ARHGEF4: variants seen among roughly 807,000 people sequenced by gnomAD.
ARHGEF4 encodes APC-stimulated guanine nucleotide exchange factor 1.
ARHGEF4 carries 119 observed loss-of-function variants against 162.0 expected under a neutral mutation model. That is an observed-to-expected ratio of 0.73 (90% CI 0.63 to 0.86). The LOEUF (loss-of-function observed/expected upper bound fraction) is 0.86. Among genes scored for constraint, ARHGEF4 ranks in the 40% least tolerant of loss-of-function variants. The pLI is 0.00. For synonymous variants in ARHGEF4, 1,014 were observed against 979.9 expected (o/e 1.03, Z -0.65); for missense variants, 2,488 against 2,456.0 (o/e 1.01, Z -0.28).
chr2:130,947,703 G>A (rs180732417), intron 4 of ARHGEF4, among the ~76,000 whole-genome samples: 272 of 152,302 alleles, frequency 1.8e-3, no homozygotes, highest in Non-Finnish European at 8.7e-4. Context: ...GAATTGGGCC[G>A]CAGGTGAGAG....
intron 3 of ARHGEF4, among the ~76,000 whole-genome samples, chr2:130,943,280 T>C (rs1199111257): frequency 6.6e-6 from 1 of 152,216 alleles, no homozygotes; most frequent in Non-Finnish European, 1.5e-5. Flanking sequence ...CATTTTCTTT[T>C]TGATTAGTAC....
intron 2 of ARHGEF4, among the ~76,000 whole-genome samples, chr2:130,919,983 C>G (rs1236989340): frequency 2.0e-5 from 3 of 152,210 alleles, no homozygotes; most frequent in Non-Finnish European, 4.4e-5. Flanking sequence ...GCAGATATTC[C>G]TGGAAGTGGT....
intron 3 of ARHGEF4, among the ~76,000 whole-genome samples, chr2:130,946,046 C>T (rs1231564000): frequency 6.6e-6 from 1 of 152,228 alleles, no homozygotes; most frequent in African/African-American, 2.4e-5. Flanking sequence ...TATCCCTGGT[C>T]ATCCCAAAGC....
chr2:130,916,664 G>A lies in ARHGEF4; in HGVS notation c.2718G>A (p.Arg906=). 8 of 1,550,568 alleles carry A rather than the reference G, an allele frequency of 5.2e-6. No individual in the cohort carries two copies. The highest frequency in any genetic ancestry group is 7.0e-6 in the Non-Finnish European group (8 of 1,146,984). Residue 906 remains arginine, a synonymous_variant, in exon 2 of 14, where the codon AGG becomes AGA. Transcript: ENST00000409359. The part of the protein sequence containing the change: ...KRLKTTEKKL[R]ARLALAHKTF... ...TCAAAACAACGGAGAAAAAACTCAG[G>A]GCAAGGTTGGCCTTGGCTCATAAGA...
At chr2:130,893,766 G>A (rs941931226) in intron 1 of ARHGEF4, among the ~76,000 whole-genome samples, 2 of 152,184 alleles carry the variant, frequency 1.3e-5, no homozygotes, top group Non-Finnish European at 2.9e-5. Flanking sequence ...CCTGCCCCTT[G>A]AATCAGCCCA....
At chr2:130,905,994 A>C (rs1680789599) in intron 1 of ARHGEF4, among the ~76,000 whole-genome samples, 1 of 152,194 alleles carries the variant, frequency 6.6e-6, no homozygotes, top group Non-Finnish European at 1.5e-5. Flanking sequence ...TCTTTGGATT[A>C]TAATCCAGTC....
chr2:130,881,590 C>G (rs902863455), intron 1 of ARHGEF4, among the ~76,000 whole-genome samples: 5 of 151,464 alleles, frequency 3.3e-5, no homozygotes, highest in Non-Finnish European at 7.3e-5. Context: ...GGGAGTTCAT[C>G]ACTAAGAGAC....
At chr2:131,039,618 C>T (rs1426479699) in intron 6 of ARHGEF4, 5 of 1,073,146 alleles carry the variant, frequency 4.7e-6, no homozygotes, top group Admixed American at 1.0e-4. Flanking sequence ...GGGAAACTGT[C>T]CACTCCGCAC....
rs924527228 is a variant in ARHGEF4, at chr2:131,041,982, T to G, written c.5025+38T>G. On this transcript the variant is annotated intron_variant, in intron 10 of 13. Transcript: ENST00000409359. ...GGGCACAGAAAATTCCAGGAGGTCT[T>G]GGCCCCTCGCTTTAAAATCATGCTT... 3 of 1,598,178 alleles carry G rather than the reference T, an allele frequency of 1.9e-6. No individual in the cohort carries two copies. In the African/African-American group the frequency reaches 4.0e-5, roughly 21 times the overall value.
chr2:130,951,754 T>C (rs1683973087), intron 4 of ARHGEF4, among the ~76,000 whole-genome samples: 1 of 152,204 alleles, frequency 6.6e-6, no homozygotes, highest in South Asian at 2.1e-4. Context: ...CTTACCAGCA[T>C]CAACTTCAGA....
intron 1 of ARHGEF4, among the ~76,000 whole-genome samples, chr2:130,900,716 T>C (rs1292155436): frequency 6.6e-6 from 1 of 152,190 alleles, no homozygotes; most frequent in Non-Finnish European, 1.5e-5. Flanking sequence ...CTCATTCAGG[T>C]TGTGATTTTG....
intron 13 of ARHGEF4, 26 bp from the exon 14 acceptor site, chr2:131,046,012 A>T: frequency 6.3e-7 from 1 of 1,597,034 alleles, no homozygotes; most frequent in Non-Finnish European, 8.6e-7. Flanking sequence ...GGCACCCATG[A>T]CCCTCTGCTG....
chr2:131,020,629 G>T (rs1291534625), intron 4 of ARHGEF4, among the ~76,000 whole-genome samples: 1 of 152,020 alleles, frequency 6.6e-6, no homozygotes, highest in African/African-American at 2.4e-5. Context: ...CTTTGCTATT[G>T]TGAATAGTGC....
At chr2:131,042,073 C>T (rs912986285) in intron 10 of ARHGEF4, 129 bp downstream of exon 10, 22 of 1,336,852 alleles carry the variant, frequency 1.6e-5, no homozygotes, top group African/African-American at 3.0e-5. Flanking sequence ...GCAACAGATG[C>T]TCATGGTGTG....
At chr2:130,877,011 C>G (rs1318320558) in intron 1 of ARHGEF4, among the ~76,000 whole-genome samples, 3 of 152,174 alleles carry the variant, frequency 2.0e-5, no homozygotes, top group African/African-American at 7.2e-5. Context: ...TACAGTGATT[C>G]CTAACTTGGG....
intron 4 of ARHGEF4, among the ~76,000 whole-genome samples, chr2:130,951,482 T>C (rs1318054100): frequency 6.6e-6 from 1 of 152,202 alleles, no homozygotes; most frequent in East Asian, 1.9e-4. Context: ...GACAGAGGAA[T>C]GGATGGTCGG....
At chr2:131,002,236 A>G (rs966617656) in intron 4 of ARHGEF4, among the ~76,000 whole-genome samples, 5 of 152,190 alleles carry the variant, frequency 3.3e-5, no homozygotes, top group Admixed American at 1.3e-4. Context: ...AATTTTTGAA[A>G]AGATTAATAT....
At chr2:131,039,981 A>T in intron 6 of ARHGEF4, 35 bp from the exon 7 acceptor site, 1 of 1,545,666 alleles carries the variant, frequency 6.5e-7, no homozygotes, top group South Asian at 1.2e-5. Flanking sequence ...GCTCCGAGGG[A>T]TGCGGGGCAC....
intron 4 of ARHGEF4, among the ~76,000 whole-genome samples, chr2:131,021,608 A>G (rs1408731359): frequency 1.3e-5 from 2 of 152,248 alleles, no homozygotes; most frequent in South Asian, 2.1e-4. Context: ...AGCAATGGCA[A>G]CAAAAGCCAA....
Sources: allele counts gnomAD v4.1 joint callset (sites outside exome capture counted in the v4.1 genomes callset), GRCh38; gene constraint gnomAD v4.1.1; transcripts MANE v1.5; gene names NCBI Gene and HGNC (gene_info 2026-07-23, HGNC 2026-07-21).